FETUB: variants seen among roughly 807,000 people sequenced by gnomAD.
FETUB encodes the protein fetuin B.
FETUB carries 28 observed loss-of-function variants against 30.9 expected under a neutral mutation model. The ratio of observed to expected loss-of-function variants is 0.90; its 90% CI spans 0.67 to 1.24. The LOEUF is 1.24. Ranked by LOEUF, FETUB falls within the 50% of genes most tolerant of loss-of-function variation. The pLI is 0.00. For synonymous variants in FETUB, 186 were observed against 175.9 expected, an observed-to-expected ratio of 1.06 and a Z score of -0.45; for missense variants, 469 against 455.3, an observed-to-expected ratio of 1.03 and a Z score of -0.27.
In FETUB at chr3:186,652,477, C is replaced by T. The variant is rs374722004; in HGVS notation, c.995C>T (p.Thr332Met). ...TTTCCTGTGCATCTGGACCTAACCA[C>T]GAATCCCCAGGGAGAAACCCTGGAT... ...EAFPVHLDLT[T>M]NPQGETLDIS... is the part of the protein sequence containing the mutation. The change falls in exon 7 of 7, where the codon ACG becomes ATG. Residue 332 changes from threonine (T) to methionine (M), a missense_variant. Transcript: ENST00000265029. 20 of 1,614,054 alleles carry T rather than the reference C, an allele frequency of 1.2e-5. No individual in the cohort carries two copies. The highest frequency in any genetic ancestry group is 2.7e-5 in the African/African-American group (2 of 74,920).
rs1409011048 is a variant in FETUB, at chr3:186,640,634, T to C, written c.174T>C (p.Asp58=). Residue 58 remains aspartate, a synonymous_variant, in exon 1 of 7, where the codon GAT becomes GAC. Transcript: ENST00000265029. ...ALRDINKDRK[D]GYVLRLNRVN... is the part of the protein sequence containing the mutation. ...GGGATATTAACAAAGACAGAAAGGA[T>C]GGCTATGTGCTGAGACTCAACCGAG... is the stretch of plus-strand genomic sequence containing the variant. The C allele has an allele frequency of 2.5e-6, 4 of 1,614,016 alleles. No homozygotes were observed. Among genetic ancestry groups the C allele is most frequent in the Middle Eastern group, 1.6e-4 (1 of 6,084 alleles).
At chr3:186,651,516 T>C in intron 6 of FETUB, 1 of 533,810 alleles carries the variant, frequency 1.9e-6, no homozygotes, top group Middle Eastern at 2.8e-4. Flanking sequence ...GCAAGACAAA[T>C]TCAGAAACAG....
At chr3:186,645,121 G>A (rs984263440) in intron 4 of FETUB, among the ~76,000 whole-genome samples, 2 of 152,280 alleles carry the variant, frequency 1.3e-5, no homozygotes, top group Non-Finnish European at 2.9e-5. Flanking sequence ...TTCTACAAGA[G>A]TCAGGCGGCT....
chr3:186,644,201 C>T (rs1008354966), intron 3 of FETUB, among the ~76,000 whole-genome samples: 9 of 152,268 alleles, frequency 5.9e-5, no homozygotes, highest in African/African-American at 2.2e-4. Context: ...TGGTCCAGAA[C>T]ACTAGAATTT....
chr3:186,644,803 C>T lies in FETUB; in HGVS notation c.477C>T (p.Pro159=), dbSNP rs1717357964. The change falls in exon 4 of 7, where the codon CCC becomes CCT. Residue 159 remains proline, a synonymous_variant. Transcript: ENST00000265029. ...GCCCTGACTGCCCAAGCTCCATACC[C>T]ACTGACTCTTCCAATCACCAAGTGC... ...MTCPDCPSSI[P]TDSSNHQVLE... is the part of the protein sequence containing the mutation. 3 of 1,613,746 alleles carry T rather than the reference C, an allele frequency of 1.9e-6. No individual in the cohort carries two copies. The highest frequency in any genetic ancestry group is 2.2e-5 in the South Asian group (2 of 91,066).
intron 6 of FETUB, 50 bp from the exon 7 acceptor site, chr3:186,652,213 G>A (rs753015842): frequency 6.6e-7 from 1 of 1,521,294 alleles, no homozygotes; most frequent in South Asian, 1.4e-5. Context: ...TACTAGGCAT[G>A]GGAGGACTTT....
rs34522046 is a variant in FETUB, at chr3:186,640,557, T to C, written c.97T>C (p.Ser33Pro). ...GGCCCTCAACCCCTCGGCTCTGCTC[T>C]CCCGGGGCTGCAATGACTCAGATGT... ...QLALNPSALL[S>P]RGCNDSDVLA... Residue 33 changes from serine (S) to proline (P), a missense_variant, in exon 1 of 7, where the codon TCC (serine) becomes CCC (proline). Coordinates refer to ENST00000265029, the MANE Select transcript of FETUB (RefSeq NM_014375.3). The C allele has an allele frequency of 0.015, 24,351 of 1,614,170 alleles. 283 individuals carry two copies. Among genetic ancestry groups the C allele is most frequent in the South Asian group, 0.033 (3,003 of 91,082 alleles).
At chr3:186,644,696 T>C in intron 3 of FETUB, 55 bp from the exon 4 acceptor site, 9 of 1,407,478 alleles carry the variant, frequency 6.4e-6, no homozygotes, top group Non-Finnish European at 8.8e-6. Context: ...TTTACAGTCA[T>C]ATGATTTATT....
intron 1 of FETUB, 139 bp from the exon 2 acceptor site, chr3:186,640,891 T>G (rs1231687117): frequency 1.5e-6 from 1 of 673,098 alleles, no homozygotes; most frequent in African/African-American, 1.8e-5. Flanking sequence ...ACTCTGACAC[T>G]TGTGTCAGAT....
At chr3:186,639,776 A>G (rs1246341070), upstream of FETUB, among the ~76,000 whole-genome samples, 1 of 152,128 alleles carries the variant, frequency 6.6e-6, no homozygotes, top group Non-Finnish European at 1.5e-5. Context: ...GCTTGCTTCC[A>G]TACATATGCA....
intron 4 of FETUB, among the ~76,000 whole-genome samples, chr3:186,645,751 G>A (rs1252927776): frequency 1.5e-5 from 2 of 134,774 alleles, no homozygotes; most frequent in Admixed American, 8.0e-5. Context: ...TTTTTGAGAC[G>A]GAGTCTCACT....
At position 186,652,823 on chromosome 3, in the gene FETUB, A is replaced by T. The variant is rs1476782493; in HGVS notation, c.*192A>T. The T allele has an allele frequency of 6.6e-6, 4 of 602,620 alleles. No homozygotes were observed. The highest frequency in any genetic ancestry group is 1.1e-5 in the Non-Finnish European group (4 of 354,822). The allele number at this position is 602,620 out of a possible 1,614,324, so 37.3% of individuals were successfully genotyped here. On this transcript the variant is annotated 3_prime_UTR_variant, in exon 7 of 7. Coordinates refer to ENST00000265029, the MANE Select transcript of FETUB (RefSeq NM_014375.3). Reference sequence around the variant, plus strand: ...GAGCCCTCGGCTTGGGCTGCACTCTACCCTGTACACTGCCTTGTACCCTGA... The same window carrying T: ...GAGCCCTCGGCTTGGGCTGCACTCTTCCCTGTACACTGCCTTGTACCCTGA...
intron 3 of FETUB, among the ~76,000 whole-genome samples, chr3:186,644,167 T>C (rs1195545925): frequency 1.3e-5 from 2 of 152,198 alleles, no homozygotes; most frequent in Non-Finnish European, 2.9e-5. Flanking sequence ...TTTTATCTTA[T>C]TGTTAACTGT....
chr3:186,642,546 A>AC lies in FETUB; in HGVS notation c.413dup (p.Leu139SerfsTer15), dbSNP rs1156398334. 6.3e-7 allele frequency: 1 copy of AC among 1,595,372 alleles called. No individual in the cohort carries two copies. The highest frequency in any genetic ancestry group is 1.7e-5 in the Admixed American group (1 of 59,690). On this transcript the variant is annotated frameshift_variant, in exon 3 of 7. Transcript: ENST00000265029. LOFTEE classifies it high-confidence loss of function. ...TCTCTATTTAGCTGCTTATAACTGT[A>AC]CTCTTCGCCCAGGTAAGAAATCACT...
Position 186,640,568 on chromosome 3 carries a change from C to T in FETUB, c.108C>T (p.Cys36=). Residue 36 remains cysteine (C), a synonymous_variant, in exon 1 of 7, where the codon TGC becomes TGT. Transcript: ENST00000265029. ...CCTCGGCTCTGCTCTCCCGGGGCTG[C>T]AATGACTCAGATGTGCTGGCAGTTG... ...LNPSALLSRG[C]NDSDVLAVAG... is the part of the protein sequence containing the mutation. 3 of 1,614,182 alleles carry T rather than the reference C, an allele frequency of 1.9e-6. No homozygotes were observed. Among genetic ancestry groups the T allele is most frequent in the Non-Finnish European group, 2.5e-6 (3 of 1,179,996 alleles).
upstream of FETUB, among the ~76,000 whole-genome samples, chr3:186,637,361 G>T (rs1716805774): frequency 6.6e-6 from 1 of 152,202 alleles, no homozygotes; most frequent in Non-Finnish European, 1.5e-5. Flanking sequence ...TGGAGCCATG[G>T]CTGCCGTCCA....
At chr3:186,644,678 C>T (rs1302966371) in intron 3 of FETUB, 73 bp from the exon 4 acceptor site, 11 of 1,236,362 alleles carry the variant, frequency 8.9e-6, no homozygotes, top group Non-Finnish European at 1.2e-5. Flanking sequence ...TCACCCCATC[C>T]TTGCCTCTTT....
In FETUB at chr3:186,652,644, G is replaced by A. The variant is rs867204417; in HGVS notation, c.*13G>A. ...CCTTCCGCCATGAGAATCACACAGAGTCTTCTGTAGGGGTATGGTGCGCCG... is the reference window on the plus strand; with the variant it reads ...CCTTCCGCCATGAGAATCACACAGAATCTTCTGTAGGGGTATGGTGCGCCG... On this transcript the variant is annotated 3_prime_UTR_variant, in exon 7 of 7. Transcript: ENST00000265029. 1 of 1,590,182 alleles carries A rather than the reference G, an allele frequency of 6.3e-7. No individual in the cohort carries two copies. The highest frequency in any genetic ancestry group is 1.3e-5 in the African/African-American group (1 of 74,144).
upstream of FETUB, chr3:186,640,258 G>A (rs1449155091): frequency 4.5e-5 from 27 of 593,558 alleles, no homozygotes; most frequent in East Asian, 7.3e-4. Flanking sequence ...ATATGAGGTT[G>A]CTCAAGGGTC....
Sources: gnomAD v4.1 joint callset for allele counts (sites outside exome capture counted in the v4.1 genomes callset) on GRCh38, gnomAD v4.1.1 for gene constraint, MANE v1.5 for transcripts, NCBI Gene and HGNC (gene_info 2026-07-23, HGNC 2026-07-21) for gene names.